Variants in LNPEP observed in about 807,000 individuals in gnomAD.
LNPEP encodes the protein leucyl-cystinyl aminopeptidase.
In LNPEP, 64 loss-of-function variants were observed where a neutral mutation model predicts 120.6. The observed-to-expected ratio is 0.53, with a 90% CI of 0.43 to 0.65. The LOEUF (loss-of-function observed/expected upper bound fraction) is 0.65, where lower values mean the gene tolerates loss of function less well. Among genes scored for constraint, LNPEP ranks in the 30% least tolerant of loss-of-function variants. The probability of loss-of-function intolerance (pLI) is 0.00; values close to 1 mark genes in which losing one functional copy is unlikely to be tolerated. For missense variants in LNPEP, 1,057 were observed against 1,200.0 expected, an observed-to-expected ratio of 0.88 and a Z score of 1.76; for synonymous variants, 435 against 425.4, an observed-to-expected ratio of 1.02 and a Z score of -0.28.
At chr5:96,948,757 C>A (rs935659493) in intron 1 of LNPEP, among the ~76,000 whole-genome samples, 1 of 152,184 alleles carries the variant, frequency 6.6e-6, no homozygotes, top group African/African-American at 2.4e-5. Flanking sequence ...TAGGTCCAGT[C>A]CCACACCTTT....
At position 96,939,415 on chromosome 5, in the gene LNPEP, T is replaced by C. The variant is rs140517516; in HGVS notation, c.19+3241T>C. 7.1e-3 allele frequency among the ~76,000 whole-genome samples: 1,087 copies of C among 152,220 alleles called. 15 individuals carry two copies. Among genetic ancestry groups the C allele is most frequent in the African/African-American group, 0.025 (1,022 of 41,528 alleles). ...TTCTAGTAGAAATGAGGTTTCACCATGTTGGCCAGGTGAACTCCTGACCTC... is the reference window on the plus strand; with the variant it reads ...TTCTAGTAGAAATGAGGTTTCACCACGTTGGCCAGGTGAACTCCTGACCTC... On this transcript the variant is annotated intron_variant, in intron 1 of 17. Coordinates refer to ENST00000231368, the MANE Select transcript of LNPEP (RefSeq NM_005575.3).
chr5:96,970,727 G>A (rs1789840485), intron 1 of LNPEP, among the ~76,000 whole-genome samples: 1 of 151,778 alleles, frequency 6.6e-6, no homozygotes, highest in East Asian at 1.9e-4. Flanking sequence ...TTAATAATAT[G>A]CATCATTAAG....
chr5:97,010,336 G>T (rs1318310373), intron 11 of LNPEP: 3 of 982,480 alleles, frequency 3.1e-6, no homozygotes, highest in Non-Finnish European at 3.6e-6. Flanking sequence ...GAAAGTTAAA[G>T]ATATGTCATT....
intron 4 of LNPEP, among the ~76,000 whole-genome samples, chr5:96,991,482 T>A (rs894550941): frequency 1.6e-4 from 25 of 152,308 alleles, no homozygotes; most frequent in East Asian, 3.9e-4. Flanking sequence ...TTTTCTGATT[T>A]TTTTTGGTTA....
At chr5:96,971,751 T>C (rs1193529884) in intron 1 of LNPEP, among the ~76,000 whole-genome samples, 3 of 152,108 alleles carry the variant, frequency 2.0e-5, no homozygotes, top group Non-Finnish European at 2.9e-5. Context: ...CCCTCTCATT[T>C]AGTTCTTTTT....
chr5:96,985,758 GT>G (rs535139069), intron 3 of LNPEP, among the ~76,000 whole-genome samples: 449 of 139,142 alleles, frequency 3.2e-3, no homozygotes, highest in African/African-American at 7.4e-3. Flanking sequence ...GTCTTTTTTT[GT>G]TTTTTTTTTT....
At position 97,028,511 on chromosome 5, in the gene LNPEP, A is replaced by G. The variant is rs147001588; in HGVS notation, c.3056A>G (p.Lys1019Arg). Residue 1019 changes from lysine (K) to arginine (R), a missense_variant, in exon 18 of 18, where the codon AAA becomes AGA. Lys to Arg is a conservative substitution (Grantham distance 26). Transcript: ENST00000231368. Reference sequence around the variant, plus strand: ...ATCCAGTGGATGGAGAAGAACCTCAAAAGTCTCACATGGTGGCTGTAGCAT... The same window carrying G: ...ATCCAGTGGATGGAGAAGAACCTCAGAAGTCTCACATGGTGGCTGTAGCAT... ...LNIQWMEKNLKSLTWWL is the reference protein window; with the variant it reads ...LNIQWMEKNLRSLTWWL 2.8e-4 allele frequency: 448 copies of G among 1,613,816 alleles called. 1 individual carries two copies. The highest frequency in any genetic ancestry group is 1.8e-3 in the Middle Eastern group (11 of 6,078).
At chr5:96,946,259 A>C (rs772854020) in intron 1 of LNPEP, among the ~76,000 whole-genome samples, 2 of 152,226 alleles carry the variant, frequency 1.3e-5, no homozygotes, top group African/African-American at 2.4e-5. Context: ...TAAGAAATGC[A>C]TTGCTCTTTA....
At chr5:96,954,772 A>ATTTTT (rs1160402498) in intron 1 of LNPEP, among the ~76,000 whole-genome samples, 6 of 27,110 alleles carry the variant, frequency 2.2e-4, no homozygotes, top group Admixed American at 5.1e-4. Context: ...ATATATATAT[A>ATTTTT]TTTTTTTTTT....
At chr5:96,945,364 C>A (rs1789162997) in intron 1 of LNPEP, among the ~76,000 whole-genome samples, 1 of 150,166 alleles carries the variant, frequency 6.7e-6, no homozygotes. Flanking sequence ...TGTGGTCATG[C>A]CACTGCACTG....
chr5:96,981,708 A>G (rs542317746), intron 2 of LNPEP, among the ~76,000 whole-genome samples: 1 of 152,318 alleles, frequency 6.6e-6, no homozygotes, highest in South Asian at 2.1e-4. Context: ...CACCTTGCGT[A>G]GACACTGCTT....
chr5:96,976,784 G>A lies in LNPEP; in HGVS notation c.20-2354G>A, dbSNP rs931960790. Among the ~76,000 whole-genome samples, 24 of 151,888 alleles carry A rather than the reference G, an allele frequency of 1.6e-4. 1 individual carries two copies. ...AAATTAAGCTAGTCTACAGCAGTGT[G>A]CCAGGAACCAAAAAACTACTACAGA... On this transcript the variant is annotated intron_variant, in intron 1 of 17. Coordinates refer to ENST00000231368, the MANE Select transcript of LNPEP (RefSeq NM_005575.3).
chr5:96,951,780 G>C (rs1026160021), intron 1 of LNPEP, among the ~76,000 whole-genome samples: 11 of 140,330 alleles, frequency 7.8e-5, no homozygotes, highest in Middle Eastern at 6.6e-3. Context: ...TCTGGACACA[G>C]TAATTCAGGA....
intron 12 of LNPEP, among the ~76,000 whole-genome samples, chr5:97,014,613 C>T (rs1245699826): frequency 1.3e-5 from 2 of 151,936 alleles, no homozygotes; most frequent in Non-Finnish European, 2.9e-5. Context: ...GCAAATATAA[C>T]TAATTAATAA....
intron 1 of LNPEP, among the ~76,000 whole-genome samples, chr5:96,961,056 T>C (rs931578010): frequency 5.3e-5 from 8 of 152,170 alleles, no homozygotes; most frequent in African/African-American, 1.4e-4. Flanking sequence ...AAATATTGTG[T>C]TCTTTTTGTT....
intron 1 of LNPEP, chr5:96,936,898 G>A (rs1294144549): frequency 6.6e-6 from 1 of 152,224 alleles, no homozygotes; most frequent in Non-Finnish European, 1.5e-5. Flanking sequence ...GTCAACGCAG[G>A]GAGCCTGCAC....
chr5:97,022,054 C>T (rs1423504105), intron 13 of LNPEP, among the ~76,000 whole-genome samples: 1 of 150,616 alleles, frequency 6.6e-6, no homozygotes, highest in Non-Finnish European at 1.5e-5. Flanking sequence ...GCCTCAGCCT[C>T]CTGAGTAGCT....
intron 12 of LNPEP, among the ~76,000 whole-genome samples, chr5:97,014,448 G>A (rs1791013623): frequency 6.6e-6 from 1 of 151,942 alleles, no homozygotes; most frequent in Non-Finnish European, 1.5e-5. Context: ...CATTGCTGCT[G>A]TGATTCCTAT....
Position 96,986,674 on chromosome 5 carries a change from T to G in LNPEP, c.1131+4T>G. 1.2e-6 allele frequency: 2 copies of G among 1,612,998 alleles called. No individual in the cohort carries two copies. The highest frequency in any genetic ancestry group is 1.7e-6 in the Non-Finnish European group (2 of 1,179,290). The stretch of plus-strand genomic sequence containing the variant: ...TCAGGACGTAAATGGAACCCTGGTA[T>G]GTTGATGTGGTAATTGTCTGAAAGC... On this transcript the variant is annotated splice_donor_region_variant and intron_variant, in intron 4 of 17. Transcript: ENST00000231368.
Sources: gnomAD v4.1 joint callset for allele counts (sites outside exome capture counted in the v4.1 genomes callset) on GRCh38, gnomAD v4.1.1 for gene constraint, MANE v1.5 for transcripts, NCBI Gene and HGNC (gene_info 2026-07-23, HGNC 2026-07-21) for gene names.